HEATR9: variants seen among roughly 807,000 people sequenced by gnomAD.
HEATR9 encodes the protein HEAT repeat containing 9, also known as protein HEATR9.
HEATR9 carries 54 observed loss-of-function variants against 68.2 expected under a neutral mutation model. The observed-to-expected ratio is 0.79, with a 90% CI of 0.64 to 0.99. The LOEUF is 0.99. HEATR9 is among the 50% of genes least tolerant of loss of function. The pLI, the probability that HEATR9 is intolerant of heterozygous loss-of-function variation, is 0.00. For synonymous variants in HEATR9, 241 were observed against 253.5 expected (o/e 0.95, Z 0.47); for missense variants, 662 against 679.7 (o/e 0.97, Z 0.29).
rs191852266 is a variant in HEATR9, at chr17:35,863,360, G to A, written c.625+142C>T. 7 of 1,012,758 alleles carry A rather than the reference G, an allele frequency of 6.9e-6. No homozygotes were observed. In the East Asian group the frequency reaches 1.7e-4, roughly 25 times the overall value. 62.7% of individuals were successfully genotyped at this position (1,012,758 alleles called of 1,614,324 possible). ...CTTTTCACCCCACCTTCCTCTCTTG[G>A]TTCAACATAACTGGGATAGTTCTCA... On this transcript the variant is annotated intron_variant, in intron 7 of 14. Transcript: ENST00000604834.
chr17:35,863,991 C>G (rs1244878874), intron 6 of HEATR9: 1 of 562,572 alleles, frequency 1.8e-6, no homozygotes, highest in Non-Finnish European at 3.2e-6. Context: ...TTCAGACTTT[C>G]CTGGCTTTTC....
intron 8 of HEATR9, chr17:35,861,106 T>C: frequency 1.8e-6 from 2 of 1,084,564 alleles, no homozygotes; most frequent in Non-Finnish European, 2.9e-6. Context: ...CACATCCTCT[T>C]GTAACTGTTG....
Position 35,859,013 on chromosome 17 carries a change from T to A in HEATR9, c.814A>T (p.Lys272Ter), listed in dbSNP as rs2143905054. ...TCCAGAGATGCTTCACTGGACGACT[T>A]CTTGATCAGTGTCTGTAGTACAGGC... ...LVPVLQTLIKKSSSEASLEAA... is the reference protein window; with the variant it reads ...LVPVLQTLIK Residue 272 changes from lysine to a stop codon, truncating the protein, a stop_gained, in exon 9 of 15, where the codon AAG becomes TAG. Coordinates refer to ENST00000604834, the MANE Select transcript of HEATR9 (RefSeq NM_152781.4). LOFTEE classifies it high-confidence loss of function. 1 of 1,614,166 alleles carries A rather than the reference T, an allele frequency of 6.2e-7. No individual in the cohort carries two copies. Among genetic ancestry groups the A allele is most frequent in the Non-Finnish European group, 8.5e-7 (1 of 1,180,034 alleles).
rs750059795 is a variant in HEATR9, at chr17:35,858,896, G to C, written c.931C>G (p.Arg311Gly). The change falls in exon 9 of 15, where the codon CGG (arginine) becomes GGG (glycine). Residue 311 changes from arginine (R) to glycine (G), a missense_variant. Transcript: ENST00000604834. ...QCLCQGLKTQ[R>G]MKALRMLVKV... ...CCTCCTGCCCCTCACACCTTCATCC[G>C]CTGGGTCTTGAGTCCTTGGCACAGG... 14 of 1,613,416 alleles carry C rather than the reference G, an allele frequency of 8.7e-6. No homozygotes were observed. The highest frequency in any genetic ancestry group is 1.2e-5 in the Non-Finnish European group (14 of 1,179,842).
intron 5 of HEATR9, 44 bp downstream of exon 5, chr17:35,864,453 A>G (rs1310927336): frequency 1.2e-6 from 2 of 1,604,196 alleles, no homozygotes; most frequent in Non-Finnish European, 1.7e-6. Flanking sequence ...AGCTTGGCCA[A>G]CTCCTGGCTG....
chr17:35,866,666 T>C, intron 2 of HEATR9, 58 bp downstream of exon 2: 3 of 1,500,906 alleles, frequency 2.0e-6, no homozygotes, highest in South Asian at 1.1e-5. Flanking sequence ...AAGGGATAGT[T>C]TGCTGCCCCT....
Position 35,864,228 on chromosome 17 carries a change from A to G in HEATR9, c.567+18T>C. The stretch of plus-strand genomic sequence containing the variant: ...CCTGTTTCCTTCTTTCCTGAACTCC[A>G]GCAGTTCTCAGACTCACCACCTGCT... On this transcript the variant is annotated intron_variant, in intron 6 of 14. Transcript: ENST00000604834. 6.2e-7 allele frequency: 1 copy of G among 1,600,598 alleles called. No homozygotes were observed. Among genetic ancestry groups the G allele is most frequent in the Non-Finnish European group, 8.6e-7 (1 of 1,167,734 alleles).
rs2087750240 is a variant in HEATR9, at chr17:35,855,807, C to T, written c.1279-57G>A. 15 of 1,410,946 alleles carry T rather than the reference C, an allele frequency of 1.1e-5. No individual in the cohort carries two copies. In the East Asian group the frequency reaches 3.0e-4, roughly 28 times the overall value. 87.4% of individuals were successfully genotyped at this position (1,410,946 alleles called of 1,614,324 possible). A position where few individuals can be genotyped will look rare whatever the true frequency, so the allele number is the denominator to read the frequency against. ...GCCAGCCCCAGGAAGACACCTTATA[C>T]TCTTTCCCATTCTAGCCCCTTTGTG... On this transcript the variant is annotated intron_variant, in intron 13 of 14. Transcript: ENST00000604834.
chr17:35,858,746 C>T (rs1303123883), intron 9 of HEATR9, 142 bp downstream of exon 9: 4 of 961,124 alleles, frequency 4.2e-6, no homozygotes, highest in Admixed American at 4.3e-5. Flanking sequence ...GTCCATATGA[C>T]CCCATACTCA....
chr17:35,861,533 G>T, intron 8 of HEATR9: 2 of 889,270 alleles, frequency 2.2e-6, no homozygotes, highest in Non-Finnish European at 3.7e-6. Context: ...GGGTAGATGG[G>T]CCTCGAAGAG....
intron 9 of HEATR9, 85 bp from the exon 10 acceptor site, chr17:35,858,610 T>G: frequency 1.6e-6 from 2 of 1,263,462 alleles, no homozygotes; most frequent in South Asian, 1.3e-5. Context: ...AGCCTAGAAC[T>G]GGTGAGGAAC....
At chr17:35,861,632 G>A (rs573793456) in intron 8 of HEATR9, 22 of 603,236 alleles carry the variant, frequency 3.6e-5, no homozygotes, top group Non-Finnish European at 6.5e-5. Context: ...CTTTGCATTG[G>A]TCCTTCTGCC....
At chr17:35,860,798 AT>A (rs1371213504) in intron 8 of HEATR9, among the ~76,000 whole-genome samples, 1 of 151,598 alleles carries the variant, frequency 6.6e-6, no homozygotes, top group African/African-American at 2.4e-5. Context: ...CTATTTATTT[AT>A]TTTTGGGAGG....
chr17:35,855,963 G>A (rs2087756608), intron 13 of HEATR9, among the ~76,000 whole-genome samples: 1 of 152,138 alleles, frequency 6.6e-6, no homozygotes, highest in Non-Finnish European at 1.5e-5. Flanking sequence ...AATTTCTGCA[G>A]CATCTAAGCA....
At chr17:35,861,278 C>T (rs770315040) in intron 8 of HEATR9, 61 of 1,408,674 alleles carry the variant, frequency 4.3e-5, no homozygotes, top group African/African-American at 5.6e-5. Flanking sequence ...TTGATCTCTT[C>T]AACTCTCTTC....
rs1000478954 is a variant in HEATR9 at position 35,858,319 on chromosome 17, C to T, written c.1033G>A (p.Asp345Asn). The change falls in exon 11 of 15, where the codon GAC becomes AAC. Residue 345 changes from aspartate to asparagine, a missense_variant and splice_region_variant. By Grantham distance (23) the Asp-to-Asn change is conservative. Transcript: ENST00000604834. ...DQLCSSSVLE[D>N]RFEATQMLKT... ...AGCATTTGGGTGGCTTCAAAGCGGT[C>T]CTGAGGTCGGGGGTGAGGGTTAGTG... The T allele has an allele frequency of 3.1e-6, 5 of 1,614,032 alleles. No homozygotes were observed. In the African/African-American group the frequency reaches 6.7e-5, roughly 22 times the overall value.
chr17:35,856,627 C>T (rs2087781000), intron 12 of HEATR9, 105 bp downstream of exon 12: 5 of 1,020,876 alleles, frequency 4.9e-6, no homozygotes, highest in Non-Finnish European at 5.9e-6. Flanking sequence ...TGTAGGTTCT[C>T]AGCTCTCACT....
rs201680853 is a variant in HEATR9 at position 35,865,404 on chromosome 17, T to A, written c.139-8A>T. Reference sequence around the variant, plus strand: ...AAACTCTTCCTTTGGCATCTGGGGGTTGCAAGTGGCAGAACAGTCAGAGGG... The same window carrying A: ...AAACTCTTCCTTTGGCATCTGGGGGATGCAAGTGGCAGAACAGTCAGAGGG... On this transcript the variant is annotated splice_polypyrimidine_tract_variant and splice_region_variant and intron_variant, in intron 2 of 14. Coordinates refer to ENST00000604834, the MANE Select transcript of HEATR9 (RefSeq NM_152781.4). The A allele has an allele frequency of 1.2e-6, 2 of 1,611,236 alleles. No individual in the cohort carries two copies. Among genetic ancestry groups the A allele is most frequent in the Admixed American group, 1.7e-5 (1 of 59,896 alleles).
chr17:35,864,684 A>G (rs1430776398), intron 4 of HEATR9, 74 bp downstream of exon 4: 76 of 1,603,570 alleles, frequency 4.7e-5, no homozygotes, highest in Non-Finnish European at 6.2e-5. Flanking sequence ...TGAGGGCTGA[A>G]GGATGGTGTG....
Sources: allele counts gnomAD v4.1 joint callset (sites outside exome capture counted in the v4.1 genomes callset), GRCh38; gene constraint gnomAD v4.1.1; transcripts MANE v1.5; gene names NCBI Gene and HGNC (gene_info 2026-07-23, HGNC 2026-07-21).